Variants in PABPC4L observed in about 807,000 individuals in gnomAD.
PABPC4L encodes poly(A) binding protein cytoplasmic 4 like, also known as polyadenylate-binding protein 4-like.
For missense variants in PABPC4L, 452 were observed against 451.4 expected (o/e 1.00, Z -0.01); for synonymous variants, 169 against 164.1 (o/e 1.03, Z -0.23).
the PABPC4L span, among the ~76,000 whole-genome samples, chr4:134,084,036 CT>C: frequency 6.6e-6 from 1 of 152,002 alleles, no homozygotes; most frequent in African/African-American, 2.4e-5. Flanking sequence ...AATTTTGTGT[CT>C]AATGTTACTT....
At chr4:134,023,919 GA>G in the PABPC4L span, among the ~76,000 whole-genome samples, 3 of 151,818 alleles carry the variant, frequency 2.0e-5, no homozygotes, top group Non-Finnish European at 2.9e-5. Context: ...AGATTTTGGA[GA>G]AAAAAACTTA....
At chr4:134,172,238 G>C in the PABPC4L span, among the ~76,000 whole-genome samples, 1 of 152,056 alleles carries the variant, frequency 6.6e-6, no homozygotes, top group Admixed American at 6.6e-5. Context: ...TACAAAGTTG[G>C]AGACAGCACG....
chr4:134,007,207 T>C, the PABPC4L span, among the ~76,000 whole-genome samples: 2 of 151,830 alleles, frequency 1.3e-5, no homozygotes, highest in African/African-American at 4.8e-5. Context: ...TTCCCAACTT[T>C]ACATAATAGG....
the PABPC4L span, among the ~76,000 whole-genome samples, chr4:133,975,749 C>G: frequency 6.6e-6 from 1 of 152,058 alleles, no homozygotes; most frequent in Non-Finnish European, 1.5e-5. Flanking sequence ...TCCACTGTAT[C>G]CAGGAAATGA....
the PABPC4L span, among the ~76,000 whole-genome samples, chr4:133,993,509 G>C: frequency 6.6e-6 from 1 of 152,318 alleles, no homozygotes; most frequent in South Asian, 2.1e-4. Context: ...GGTATCAACA[G>C]ATACATGTAC....
the PABPC4L span, among the ~76,000 whole-genome samples, chr4:134,161,343 G>C: frequency 1.3e-5 from 2 of 152,030 alleles, no homozygotes; most frequent in South Asian, 2.1e-4. Context: ...TGTAGAGAGA[G>C]AGAATGGGAT....
chr4:133,992,862 T>A, the PABPC4L span, among the ~76,000 whole-genome samples: 1 of 152,092 alleles, frequency 6.6e-6, no homozygotes. Flanking sequence ...CCAGGTGATG[T>A]TCGGGGCTTG....
At chr4:133,990,989 C>A in the PABPC4L span, among the ~76,000 whole-genome samples, 1 of 152,076 alleles carries the variant, frequency 6.6e-6, no homozygotes, top group African/African-American at 2.4e-5. Context: ...TCCTTCATCT[C>A]CCTCTTTTCT....
chr4:134,173,895 A>T, the PABPC4L span, among the ~76,000 whole-genome samples: 1 of 152,076 alleles, frequency 6.6e-6, no homozygotes, highest in Non-Finnish European at 1.5e-5. Flanking sequence ...ATTTAACCTG[A>T]TGGTACTGTA....
At chr4:134,140,335 C>T in the PABPC4L span, among the ~76,000 whole-genome samples, 1 of 151,592 alleles carries the variant, frequency 6.6e-6, no homozygotes, top group Non-Finnish European at 1.5e-5. Context: ...ATGATGTATA[C>T]CTTAAATATA....
At position 134,201,143 on chromosome 4, in the gene PABPC4L, C is replaced by G. The variant is rs1286478719; in HGVS notation, c.-124G>C. 4 of 1,549,914 alleles carry G rather than the reference C, an allele frequency of 2.6e-6. No individual in the cohort carries two copies. The highest frequency in any genetic ancestry group is 3.5e-6 in the Non-Finnish European group (4 of 1,146,714). ...AGGCCTCGGGATCACCACACAAAGG[C>G]CAAGCAATGGAGTTCAGACACGACT... On this transcript the variant is annotated 5_prime_UTR_variant, in exon 2 of 2. Transcript: ENST00000421491.
chr4:134,195,031 C>T (rs547443024), downstream of PABPC4L, among the ~76,000 whole-genome samples: 165 of 151,710 alleles, frequency 1.1e-3, no homozygotes, highest in Admixed American at 2.4e-3. Context: ...TGGCCTTTTG[C>T]CAATTGCAAT....
chr4:134,057,748 A>G, the PABPC4L span, among the ~76,000 whole-genome samples: 9 of 152,094 alleles, frequency 5.9e-5, no homozygotes, highest in Non-Finnish European at 1.3e-4. Flanking sequence ...TGAGGCAAAA[A>G]GAAAACCTAC....
chr4:134,140,121 C>T, the PABPC4L span, among the ~76,000 whole-genome samples: 6 of 151,782 alleles, frequency 4.0e-5, no homozygotes, highest in East Asian at 1.9e-4. Flanking sequence ...GTTTTAGTTA[C>T]GTAGAATAAA....
At chr4:133,953,948 G>C in the PABPC4L span, among the ~76,000 whole-genome samples, 2 of 152,298 alleles carry the variant, frequency 1.3e-5, no homozygotes, top group Admixed American at 1.3e-4. Flanking sequence ...TCCTTTTTAA[G>C]ATTTCTAACC....
At position 134,200,616 on chromosome 4, in the gene PABPC4L, C is replaced by G; in HGVS notation, c.404G>C (p.Gly135Ala). Residue 135 changes from glycine (G) to alanine (A), a missense_variant, in exon 2 of 2, where the codon GGC (glycine) becomes GCC (alanine). Coordinates refer to ENST00000421491, the MANE Select transcript of PABPC4L (RefSeq NM_001114734.2). ...GTGCACAAATGCATAGCCCTTGGAGCCTTGATCATCACTCATCACCTTGGA... is the reference window on the plus strand; with the variant it reads ...GTGCACAAATGCATAGCCCTTGGAGGCTTGATCATCACTCATCACCTTGGA... ...LSSKVMSDDQ[G>A]SKGYAFVHFQ... is the part of the protein sequence containing the mutation. The G allele has an allele frequency of 6.4e-7, 1 of 1,551,590 alleles. No homozygotes were observed.
chr4:133,975,080 T>C, the PABPC4L span, among the ~76,000 whole-genome samples: 1 of 152,126 alleles, frequency 6.6e-6, no homozygotes, highest in Non-Finnish European at 1.5e-5. Context: ...AATTGCCAGA[T>C]AGTGGAAACA....
chr4:133,959,815 GA>G, the PABPC4L span, among the ~76,000 whole-genome samples: 2 of 152,308 alleles, frequency 1.3e-5, no homozygotes, highest in Middle Eastern at 3.4e-3. Flanking sequence ...GTTTATACAT[GA>G]AATTGTTTGG....
chr4:134,195,887 G>A (rs958887366), downstream of PABPC4L, among the ~76,000 whole-genome samples: 3 of 151,568 alleles, frequency 2.0e-5, no homozygotes, highest in Non-Finnish European at 4.4e-5. Context: ...GCACTTGGGA[G>A]ATACATATAT....
Sources: gnomAD v4.1 joint callset for allele counts (sites outside exome capture counted in the v4.1 genomes callset) on GRCh38, gnomAD v4.1.1 for gene constraint, MANE v1.5 for transcripts, NCBI Gene and HGNC (gene_info 2026-07-23, HGNC 2026-07-21) for gene names.